The following BBX variants were observed in gnomAD, a reference collection of about 807,000 sequenced individuals.
BBX encodes BBX high mobility group box domain containing.
Under a neutral mutation model 100.2 loss-of-function variants are expected in BBX, and 30 were observed. That is an observed-to-expected ratio of 0.30 (90% CI 0.22 to 0.41). The LOEUF (loss-of-function observed/expected upper bound fraction) is 0.41, where lower values mean the gene tolerates loss of function less well. Among genes scored for constraint, BBX ranks in the 10% least tolerant of loss-of-function variants. The pLI is 1.00. For synonymous variants in BBX, 376 were observed against 388.1 expected, an observed-to-expected ratio of 0.97 and a Z score of 0.37; for missense variants, 1,023 against 1,129.8, an observed-to-expected ratio of 0.91 and a Z score of 1.35.
intron 2 of BBX, among the ~76,000 whole-genome samples, chr3:107,550,714 G>A (rs1295158285): frequency 6.6e-6 from 1 of 152,134 alleles, no homozygotes; most frequent in Non-Finnish European, 1.5e-5. Context: ...AACCATGTAG[G>A]ATCTAAAGCA....
intron 15 of BBX, among the ~76,000 whole-genome samples, chr3:107,797,011 A>G (rs1172656559): frequency 3.3e-5 from 5 of 152,122 alleles, no homozygotes; most frequent in Admixed American, 3.3e-4. Flanking sequence ...GGTAAGGCCA[A>G]ACCACAAATG....
At chr3:107,593,909 A>C (rs530671883) in intron 2 of BBX, among the ~76,000 whole-genome samples, 100 of 152,340 alleles carry the variant, frequency 6.6e-4, no homozygotes, top group African/African-American at 2.3e-3. Context: ...CATTGCATGC[A>C]CATATGATTT....
In BBX at chr3:107,667,496, A is replaced by G. The variant is rs964065237; in HGVS notation, c.-10+21587A>G. Among the ~76,000 whole-genome samples, 2 of 151,836 alleles carry G rather than the reference A, an allele frequency of 1.3e-5. 1 individual carries two copies. The highest frequency in any genetic ancestry group is 4.8e-5 in the African/African-American group (2 of 41,424). ...TTAAAAATAAACTATATTATTAATA[A>G]AATAAGTTGGACCATCCTTAAGTAC... On this transcript the variant is annotated intron_variant, in intron 3 of 17. Coordinates refer to ENST00000325805, the MANE Select transcript of BBX (RefSeq NM_001142568.3).
intron 9 of BBX, among the ~76,000 whole-genome samples, chr3:107,752,439 CT>C (rs2065145366): frequency 6.6e-6 from 1 of 152,066 alleles, no homozygotes; most frequent in Non-Finnish European, 1.5e-5. Context: ...CTTATTTGTT[CT>C]TTGACTCATT....
intron 2 of BBX, among the ~76,000 whole-genome samples, chr3:107,548,069 T>C (rs2049371210): frequency 6.6e-6 from 1 of 152,154 alleles, no homozygotes; most frequent in South Asian, 2.1e-4. Context: ...GTGTTTTAAA[T>C]ACTTACCTGG....
At chr3:107,617,062 T>G (rs1436339793) in intron 2 of BBX, among the ~76,000 whole-genome samples, 1 of 152,212 alleles carries the variant, frequency 6.6e-6, no homozygotes, top group Non-Finnish European at 1.5e-5. Flanking sequence ...TCAAGTTAAT[T>G]TTTGTATGAG....
In BBX at chr3:107,697,878, G is replaced by T. The variant is rs531856276; in HGVS notation, c.-9-12574G>T. Among the ~76,000 whole-genome samples the T allele has an allele frequency of 1.5e-3, 221 of 152,008 alleles. 8 individuals are homozygous for T. Among genetic ancestry groups the T allele is most frequent in the African/African-American group, 5.3e-3 (219 of 41,276 alleles). On this transcript the variant is annotated intron_variant, in intron 3 of 17. Transcript: ENST00000325805. ...CGTGGGCGTACGACCCTCCGAGCCA[G>T]GTGTGGGTTATAATCTGCTGCTGCG...
chr3:107,785,479 C>G (rs1240423189), intron 13 of BBX, among the ~76,000 whole-genome samples: 1 of 151,990 alleles, frequency 6.6e-6, no homozygotes. Context: ...AATTATACAT[C>G]ATGACTAAAT....
intron 3 of BBX, chr3:107,662,742 G>T (rs572298787): frequency 1.3e-5 from 2 of 149,802 alleles, no homozygotes; most frequent in East Asian, 3.9e-4. Flanking sequence ...TTGGATATCA[G>T]AGTTGGATAT....
intron 7 of BBX, among the ~76,000 whole-genome samples, chr3:107,738,047 AT>A (rs1367831169): frequency 6.6e-6 from 1 of 150,930 alleles, no homozygotes; most frequent in Non-Finnish European, 1.5e-5. Flanking sequence ...AGCATTTCAG[AT>A]TTTTGGATTG....
At chr3:107,769,244 T>C (rs534883666) in intron 10 of BBX, among the ~76,000 whole-genome samples, 74 of 146,380 alleles carry the variant, frequency 5.1e-4, no homozygotes, top group African/African-American at 1.8e-3. Flanking sequence ...ATAGATAGGA[T>C]AGATAGATAA....
At chr3:107,792,294 T>C (rs1467999368) in intron 15 of BBX, among the ~76,000 whole-genome samples, 1 of 152,198 alleles carries the variant, frequency 6.6e-6, no homozygotes, top group Non-Finnish European at 1.5e-5. Flanking sequence ...TAGAAGGGAT[T>C]TTAGAGATGA....
intron 2 of BBX, among the ~76,000 whole-genome samples, chr3:107,612,520 G>A (rs567529693): frequency 3.3e-5 from 5 of 152,240 alleles, no homozygotes; most frequent in East Asian, 1.9e-4. Context: ...TGGTGATCTC[G>A]GATAAGATCC....
intron 3 of BBX, among the ~76,000 whole-genome samples, chr3:107,646,383 A>G (rs1404403207): frequency 6.6e-6 from 1 of 152,166 alleles, no homozygotes; most frequent in Non-Finnish European, 1.5e-5. Context: ...CACTTTATAT[A>G]TGAAAACCAC....
chr3:107,643,149 G>A (rs624093), intron 2 of BBX, among the ~76,000 whole-genome samples: 51,811 of 151,954 alleles, frequency 0.34, 9,906 homozygotes, highest in East Asian at 0.88. Flanking sequence ...CCTCATTGTA[G>A]GAGGTGGCAC....
chr3:107,667,775 A>G (rs2058829174), intron 3 of BBX, among the ~76,000 whole-genome samples: 1 of 152,066 alleles, frequency 6.6e-6, no homozygotes, highest in Non-Finnish European at 1.5e-5. Flanking sequence ...TATTCTAAAA[A>G]TAGATTTATC....
intron 2 of BBX, among the ~76,000 whole-genome samples, chr3:107,546,376 A>G (rs2049242704): frequency 6.6e-6 from 1 of 152,210 alleles, no homozygotes; most frequent in South Asian, 2.1e-4. Flanking sequence ...TAGTTTTTAT[A>G]GCCCATTGTC....
chr3:107,690,000 T>C (rs2060059055), intron 3 of BBX, among the ~76,000 whole-genome samples: 1 of 152,190 alleles, frequency 6.6e-6, no homozygotes, highest in African/African-American at 2.4e-5. Context: ...AATAAAGGCT[T>C]TGTAAGTTAT....
intron 2 of BBX, among the ~76,000 whole-genome samples, chr3:107,641,070 G>A (rs1395232000): frequency 4.0e-5 from 6 of 148,570 alleles, no homozygotes; most frequent in Admixed American, 7.0e-5. Flanking sequence ...GTAGGTGGTA[G>A]GTAATTTCTT....
Sources: allele counts gnomAD v4.1 joint callset (sites outside exome capture counted in the v4.1 genomes callset), GRCh38; gene constraint gnomAD v4.1.1; transcripts MANE v1.5; gene names NCBI Gene and HGNC (gene_info 2026-07-23, HGNC 2026-07-21).